Variants in PREX2 observed in about 807,000 individuals in gnomAD.
The protein encoded by PREX2 is phosphatidylinositol-3,4,5-trisphosphate dependent Rac exchange factor 2, also known as phosphatidylinositol 3,4,5-trisphosphate-dependent Rac exchanger 2 protein.
PREX2 carries 107 observed loss-of-function variants against 203.2 expected under a neutral mutation model. The observed-to-expected ratio is 0.53, with a 90% CI of 0.45 to 0.62. PREX2 has a LOEUF of 0.62. Among genes scored for constraint, PREX2 ranks in the 20% least tolerant of loss-of-function variants. The probability of loss-of-function intolerance (pLI) is 0.00; values close to 1 mark genes in which losing one functional copy is unlikely to be tolerated. For synonymous variants in PREX2, 672 were observed against 663.6 expected (o/e 1.01, Z -0.19); for missense variants, 1,777 against 1,955.9 (o/e 0.91, Z 1.72).
rs530450271 is a variant in PREX2 at position 68,161,113 on chromosome 8, G to T, written c.4346+3677G>T. 6.6e-5 allele frequency among the ~76,000 whole-genome samples: 10 copies of T among 150,924 alleles called. No individual in the cohort carries two copies. The East Asian group carries it at 1.4e-3, about 21-fold the overall frequency. On this transcript the variant is annotated intron_variant, in intron 35 of 39. Transcript: ENST00000288368. ...TCTTTCTTTCTTTTTTTTTGGGGGG[G>T]GGACAGAGTCTCCCTTTGTTGCCCA... is the stretch of plus-strand genomic sequence containing the variant.
Position 68,080,757 on chromosome 8 carries a change from T to A in PREX2, c.1797T>A (p.Asn599Lys). 1 of 1,559,282 alleles carries A rather than the reference T, an allele frequency of 6.4e-7. No individual in the cohort carries two copies. Among genetic ancestry groups the A allele is most frequent in the Middle Eastern group, 1.7e-4 (1 of 5,926 alleles). ...VIAKSLLIKS[N>K]EGSYGFGLED... The stretch of plus-strand genomic sequence containing the variant: ...ATTTTGCATTTCAGATTAAATCCAA[T>A]GAAGGCAGCTATGGCTTTGGATTAG... Residue 599 changes from asparagine (N) to lysine (K), a missense_variant, in exon 17 of 40, where the codon AAT becomes AAA. Physicochemically the swap from Asn to Lys is moderately conservative, Grantham distance 94. Coordinates refer to ENST00000288368, the MANE Select transcript of PREX2 (RefSeq NM_024870.4).
intron 35 of PREX2, among the ~76,000 whole-genome samples, chr8:68,178,380 T>G (rs1812023450): frequency 6.6e-6 from 1 of 152,154 alleles, no homozygotes; most frequent in Non-Finnish European, 1.5e-5. Context: ...ATCAGTGATG[T>G]TGAGCTTTTT....
intron 38 of PREX2, among the ~76,000 whole-genome samples, chr8:68,223,112 G>C (rs926384724): frequency 2.0e-5 from 3 of 152,148 alleles, no homozygotes; most frequent in Non-Finnish European, 2.9e-5. Flanking sequence ...GGAGAAATTT[G>C]AACAAGATGC....
At chr8:67,968,633 A>G (rs924613373) in intron 1 of PREX2, among the ~76,000 whole-genome samples, 1 of 152,196 alleles carries the variant, frequency 6.6e-6, no homozygotes, top group East Asian at 1.9e-4. Flanking sequence ...CATACATCAT[A>G]AAAGTTAAAA....
At chr8:68,216,737 C>G (rs1192851249) in intron 37 of PREX2, among the ~76,000 whole-genome samples, 1 of 152,072 alleles carries the variant, frequency 6.6e-6, no homozygotes, top group Non-Finnish European at 1.5e-5. Context: ...ACTGGTGGAT[C>G]ACGAGGTCAG....
At chr8:68,081,861 AT>A (rs546660073) in intron 17 of PREX2, among the ~76,000 whole-genome samples, 35,185 of 139,370 alleles carry the variant, frequency 0.25, 4,147 homozygotes, top group South Asian at 0.3. Flanking sequence ...GGCCCAGCTG[AT>A]TTTTTTTTTT....
intron 35 of PREX2, among the ~76,000 whole-genome samples, chr8:68,166,136 G>T (rs1195906149): frequency 1.3e-5 from 2 of 152,166 alleles, no homozygotes; most frequent in African/African-American, 4.8e-5. Context: ...TAAAGACAGA[G>T]ACTGAAGCCC....
chr8:68,125,491 T>A (rs1810869091), intron 30 of PREX2, among the ~76,000 whole-genome samples: 1 of 152,118 alleles, frequency 6.6e-6, no homozygotes, highest in Admixed American at 6.6e-5. Context: ...TATCATTATA[T>A]ACTCACCCAT....
rs149747892 is a variant in PREX2 at position 68,062,734 on chromosome 8, C to T, written c.1339+1955C>T. ...AGAAGCCCATCCTGTCCTGTGATTC[C>T]AATGTCCTATTTTTTTTTTTTACTT... On this transcript the variant is annotated intron_variant, in intron 11 of 39. Coordinates refer to ENST00000288368, the MANE Select transcript of PREX2 (RefSeq NM_024870.4). 4.6e-3 allele frequency among the ~76,000 whole-genome samples: 668 copies of T among 145,492 alleles called. 5 individuals carry two copies. Among genetic ancestry groups the T allele is most frequent in the African/African-American group, 0.017 (638 of 37,740 alleles).
At chr8:68,173,013 A>T (rs1811909688) in intron 35 of PREX2, among the ~76,000 whole-genome samples, 1 of 152,026 alleles carries the variant, frequency 6.6e-6, no homozygotes, top group Admixed American at 6.6e-5. Context: ...CTTCTTTAAA[A>T]CCTAATAACC....
At chr8:67,981,292 A>G (rs188634553) in intron 1 of PREX2, among the ~76,000 whole-genome samples, 3 of 152,320 alleles carry the variant, frequency 2.0e-5, no homozygotes, top group African/African-American at 7.2e-5. Flanking sequence ...AAGGGATTGC[A>G]ATTTGTTCTG....
intron 27 of PREX2, 114 bp from the exon 28 acceptor site, chr8:68,119,318 G>C: frequency 1.4e-6 from 1 of 695,132 alleles, no homozygotes; most frequent in South Asian, 1.7e-5. Context: ...ACTGTGCATG[G>C]AATAACAGCT....
intron 18 of PREX2, among the ~76,000 whole-genome samples, chr8:68,086,891 G>T (rs1809709480): frequency 6.6e-6 from 1 of 152,086 alleles, no homozygotes; most frequent in Non-Finnish European, 1.5e-5. Flanking sequence ...ACGTTTGACA[G>T]ATCTGTTCTT....
chr8:67,977,384 G>A (rs1018876393), intron 1 of PREX2, among the ~76,000 whole-genome samples: 1 of 152,154 alleles, frequency 6.6e-6, no homozygotes, highest in Non-Finnish European at 1.5e-5. Flanking sequence ...GACATGCAGT[G>A]ACAGATAACT....
rs1813257946 is a variant in PREX2 at position 68,236,006 on chromosome 8, TTATTA to T, written c.*4633_*4637del. 6.6e-6 allele frequency: 1 copy of T among 152,184 alleles called. No individual in the cohort carries two copies. Among genetic ancestry groups the T allele is most frequent in the Non-Finnish European group, 1.5e-5 (1 of 68,026 alleles). The allele number at this position is 152,184 out of a possible 1,614,324, so 9.4% of individuals were successfully genotyped here. A position where few individuals can be genotyped will look rare whatever the true frequency, so the allele number is the denominator to read the frequency against. On this transcript the variant is annotated 3_prime_UTR_variant, in exon 40 of 40. Coordinates refer to ENST00000288368, the MANE Select transcript of PREX2 (RefSeq NM_024870.4). ...ATGTGTATGTATATGCCTATATATA[TTATTA>T]TATTTACTAGTGTTTGTGATAATGT... is the stretch of plus-strand genomic sequence containing the variant.
chr8:68,095,500 AATACATACATACATAC>A (rs372847646), intron 21 of PREX2, among the ~76,000 whole-genome samples: 1 of 78,016 alleles, frequency 1.3e-5, no homozygotes. Flanking sequence ...AACGGGGCCA[AATACATACATACATAC>A]ATACATACAT....
At chr8:68,137,194 C>A (rs899234044) in intron 32 of PREX2, among the ~76,000 whole-genome samples, 3 of 152,144 alleles carry the variant, frequency 2.0e-5, no homozygotes, top group Non-Finnish European at 2.9e-5. Context: ...GCGTGAGCCA[C>A]CATGCCTGGC....
At chr8:67,989,162 G>T (rs1367155281) in intron 1 of PREX2, among the ~76,000 whole-genome samples, 1 of 151,894 alleles carries the variant, frequency 6.6e-6, no homozygotes, top group African/African-American at 2.4e-5. Flanking sequence ...GGAAAAGAAA[G>T]CTAATATTTA....
At chr8:68,087,871 C>A (rs1809746734) in intron 19 of PREX2, 62 bp downstream of exon 19, 3 of 1,048,736 alleles carry the variant, frequency 2.9e-6, no homozygotes, top group East Asian at 4.7e-5. Flanking sequence ...CCCGATGGAA[C>A]AGGAATGTGT....
Sources: allele counts gnomAD v4.1 joint callset (sites outside exome capture counted in the v4.1 genomes callset), GRCh38; gene constraint gnomAD v4.1.1; transcripts MANE v1.5; gene names NCBI Gene and HGNC (gene_info 2026-07-23, HGNC 2026-07-21).